Variants in DNAH5 observed in about 807,000 individuals in gnomAD.
The protein encoded by DNAH5 is axonemal beta dynein heavy chain 5.
In DNAH5, 372 loss-of-function variants were observed where a neutral mutation model predicts 518.2. That is an observed-to-expected ratio of 0.72 (90% confidence interval 0.66 to 0.78). DNAH5 has a LOEUF of 0.78. Ranked by LOEUF, DNAH5 falls within the 30% of genes least tolerant of loss-of-function variation. The pLI, the probability that DNAH5 is intolerant of heterozygous loss-of-function variation, is 0.00. For missense variants in DNAH5, 5,523 were observed against 5,687.0 expected (o/e 0.97, Z 0.93); for synonymous variants, 2,039 against 2,025.9 (o/e 1.01, Z -0.17).
In DNAH5 at chr5:13,847,768, ATG is replaced by A. The variant is rs368651028; in HGVS notation, c.5115-2777_5115-2776del. 6.8e-4 allele frequency among the ~76,000 whole-genome samples: 102 copies of A among 150,144 alleles called. No homozygotes were observed. The South Asian group carries it at 0.018, about 26-fold the overall frequency. The stretch of plus-strand genomic sequence containing the variant: ...AAAAAAAATAAAGGGGGGATTTCGC[ATG>A]TGTGTGTGTGTGTCTGTCTGTCTGT... On this transcript the variant is annotated intron_variant, in intron 31 of 78. Coordinates refer to ENST00000265104, the MANE Select transcript of DNAH5 (RefSeq NM_001369.3).
At position 13,707,433 on chromosome 5, in the gene DNAH5, C is replaced by T. The variant is rs911368939; in HGVS notation, c.13338+690G>A. Among the ~76,000 whole-genome samples the T allele has an allele frequency of 4.6e-5, 7 of 152,214 alleles. No individual in the cohort carries two copies. The highest frequency in any genetic ancestry group is 2.1e-4 in the South Asian group (1 of 4,832). On this transcript the variant is annotated intron_variant, in intron 76 of 78. Coordinates refer to ENST00000265104, the MANE Select transcript of DNAH5 (RefSeq NM_001369.3). This position sits in a 1 kb window ranked among gnomAD's most constrained non-coding sequence, Gnocchi z 4.0. ...AAGAGGGTCTAATTGAGCTGATTAA[C>T]GCGAGCCATCTGCAGATGGCAAAAC...
At chr5:13,855,434 T>C (rs1767490330) in intron 30 of DNAH5, among the ~76,000 whole-genome samples, 1 of 130,116 alleles carries the variant, frequency 7.7e-6, no homozygotes, top group African/African-American at 2.8e-5. Flanking sequence ...GGTCTCGATC[T>C]CCTGACCTCG....
Position 13,751,251 on chromosome 5 carries a change from C to A in DNAH5, c.11038G>T (p.Gly3680Cys), listed in dbSNP as rs777140914. 51 of 1,613,038 alleles carry A rather than the reference C, an allele frequency of 3.2e-5. No homozygotes were observed. The highest frequency in any genetic ancestry group is 4.1e-5 in the Non-Finnish European group (48 of 1,179,748). The change falls in exon 65 of 79, where the codon GGT becomes TGT. Residue 3680 changes from glycine to cysteine, a missense_variant. Coordinates refer to ENST00000265104, the MANE Select transcript of DNAH5 (RefSeq NM_001369.3). The part of the protein sequence containing the change: ...KTGSTFKVKV[G>C]DKEVDVLDGF... ...TCCAACACATCTACTTCCTTGTCAC[C>A]AACTTTCACCTTTTTTATAAAAAGA... is the stretch of plus-strand genomic sequence containing the variant.
At chr5:13,856,577 A>G (rs1329197641) in intron 30 of DNAH5, among the ~76,000 whole-genome samples, 4 of 152,178 alleles carry the variant, frequency 2.6e-5, no homozygotes, top group Admixed American at 6.5e-5. Context: ...AAGAAAATTT[A>G]GGCCAATATC....
chr5:13,865,206 G>T (rs571218663), intron 27 of DNAH5, among the ~76,000 whole-genome samples: 1 of 151,840 alleles, frequency 6.6e-6, no homozygotes, highest in Non-Finnish European at 1.5e-5. Context: ...TGTTGGCCAG[G>T]ATAGTCTCAA....
At chr5:13,920,666 A>G (rs1239489548) in intron 5 of DNAH5, 49 bp from the exon 6 acceptor site, 1 of 1,607,414 alleles carries the variant, frequency 6.2e-7, no homozygotes, top group Non-Finnish European at 8.5e-7. Context: ...TGTAAAACAC[A>G]CAGACTGTGG....
At chr5:13,717,170 T>C (rs1057007559) in intron 73 of DNAH5, 145 bp downstream of exon 73, 2 of 747,926 alleles carry the variant, frequency 2.7e-6, no homozygotes, top group Non-Finnish European at 4.6e-6. Flanking sequence ...GAGGCAAGTG[T>C]GACCCAAATT....
intron 65 of DNAH5, among the ~76,000 whole-genome samples, chr5:13,750,066 G>A (rs901165545): frequency 6.6e-6 from 1 of 152,128 alleles, no homozygotes; most frequent in Admixed American, 6.6e-5. Context: ...CAGGAAAAGG[G>A]AAGGGAGAGA....
intron 1 of DNAH5, among the ~76,000 whole-genome samples, chr5:13,951,199 GTTTTTTTCGTTTT>G (rs1780370830): frequency 6.0e-5 from 3 of 49,902 alleles, no homozygotes; most frequent in African/African-American, 2.2e-4. Context: ...TTTTTTTTTT[GTTTTTTTCGTTTT>G]TTTTTTTTTT....
rs147556903 is a variant in DNAH5, at chr5:13,886,463, T to C, written c.2578-334A>G. ...ATAAATCGGATCCAGCCACCCTTCT[T>C]TCTCTCCTTGTTTTTGCCAACAAAC... is the stretch of plus-strand genomic sequence containing the variant. On this transcript the variant is annotated intron_variant, in intron 17 of 78. Transcript: ENST00000265104. Among the ~76,000 whole-genome samples the C allele has an allele frequency of 5.0e-3, 760 of 152,350 alleles. 8 individuals are homozygous for C. The highest frequency in any genetic ancestry group is 0.017 in the South Asian group (83 of 4,824).
chr5:13,816,197 T>C (rs1761423506), intron 42 of DNAH5, among the ~76,000 whole-genome samples: 2 of 152,172 alleles, frequency 1.3e-5, no homozygotes. Flanking sequence ...AGAGGAACAC[T>C]GGGCAAAAAA....
chr5:13,865,289 A>G (rs1769078504), intron 27 of DNAH5, among the ~76,000 whole-genome samples: 2 of 152,178 alleles, frequency 1.3e-5, no homozygotes, highest in Non-Finnish European at 2.9e-5. Context: ...TACTGCACCC[A>G]GCCAGCTCTC....
intron 61 of DNAH5, among the ~76,000 whole-genome samples, chr5:13,758,307 A>G (rs1398002543): frequency 3.3e-5 from 5 of 152,122 alleles, no homozygotes; most frequent in Non-Finnish European, 7.4e-5. Flanking sequence ...GTTCGAGACC[A>G]GCCTGGGCAA....
rs77874614 is a variant in DNAH5, at chr5:13,786,194, C to G, written c.8805G>C (p.Met2935Ile). ...GCTACTGTACCTTGACTAAGTGAAC[C>G]ATGGCATCTGCAAAGAACACCATGT... The part of the protein sequence containing the change: ...GMDMVFFADA[M>I]VHLVKISRVI... Residue 2935 changes from methionine to isoleucine, a missense_variant, in exon 52 of 79, where the codon ATG (methionine) becomes ATC (isoleucine). Physicochemically the swap from Met to Ile is conservative, Grantham distance 10. Transcript: ENST00000265104. The G allele has an allele frequency of 4.1e-4, 655 of 1,613,922 alleles. 7 individuals carry two copies. In the African/African-American group the frequency reaches 8.1e-3, roughly 20 times the overall value.
At chr5:13,994,041 C>A (rs1286828923) in intron 1 of DNAH5, among the ~76,000 whole-genome samples, 1 of 152,234 alleles carries the variant, frequency 6.6e-6, no homozygotes, top group African/African-American at 2.4e-5. Context: ...TGCTGTCAGG[C>A]CGTCCTCTGC....
intron 44 of DNAH5, chr5:13,810,667 T>C (rs913160478): frequency 5.9e-6 from 1 of 169,564 alleles, no homozygotes; most frequent in African/African-American, 2.5e-5. Flanking sequence ...GGCAGGAGAA[T>C]GGCGTGAACT....
At chr5:13,734,142 T>C (rs1747011301) in intron 68 of DNAH5, among the ~76,000 whole-genome samples, 2 of 152,084 alleles carry the variant, frequency 1.3e-5, no homozygotes, top group South Asian at 4.1e-4. Flanking sequence ...CTTATAATAG[T>C]CACTAGAGAG....
chr5:13,768,628 T>A (rs1351347505), intron 58 of DNAH5, among the ~76,000 whole-genome samples: 1 of 152,184 alleles, frequency 6.6e-6, no homozygotes, highest in African/African-American at 2.4e-5. Flanking sequence ...AATGAATGAA[T>A]GAGAGAATGT....
At chr5:13,693,754 T>A (rs2126347416) in intron 78 of DNAH5, among the ~76,000 whole-genome samples, 1 of 152,026 alleles carries the variant, frequency 6.6e-6, no homozygotes, top group Admixed American at 6.5e-5. Context: ...GAAACCTTCT[T>A]CTAAAACAAC....
Sources: gnomAD v4.1 joint callset for allele counts (sites outside exome capture counted in the v4.1 genomes callset) on GRCh38, gnomAD v4.1.1 for gene constraint, Gnocchi (gnomAD v3.1) non-coding constraint, MANE v1.5 for transcripts, NCBI Gene and HGNC (gene_info 2026-07-23, HGNC 2026-07-21) for gene names.